Variants in CDK13 observed in about 807,000 individuals in gnomAD.
CDK13 encodes cyclin-dependent kinase 13.
In CDK13, 40 loss-of-function variants were observed where a neutral mutation model predicts 137.6. That is an observed-to-expected ratio of 0.29 (90% CI 0.23 to 0.38). The LOEUF (loss-of-function observed/expected upper bound fraction) is 0.38, where lower values mean the gene tolerates loss of function less well. Among genes scored for constraint, CDK13 ranks in the 10% least tolerant of loss-of-function variants. The pLI, the probability that CDK13 is intolerant of heterozygous loss-of-function variation, is 1.00. For synonymous variants in CDK13, 869 were observed against 760.1 expected (o/e 1.14, Z -2.36); for missense variants, 1,704 against 1,951.8 (o/e 0.87, Z 2.39).
In CDK13 at chr7:39,976,323, T is replaced by TCTCACACACACACACA; in HGVS notation, c.1212-11275_1212-11274insTCACACACACACACAC. Among the ~76,000 whole-genome samples the TCTCACACACACACACA allele has an allele frequency of 1.2e-3, 47 of 39,572 alleles. 2 individuals are homozygous for TCTCACACACACACACA. The highest frequency in any genetic ancestry group is 2.0e-3 in the Non-Finnish European group (34 of 17,110). 26.0% of individuals were successfully genotyped at this position (39,572 alleles called of 152,430 possible). The stretch of plus-strand genomic sequence containing the variant: ...CTCTCTCTCTCTCTCTCTCTCTCTC[T>TCTCACACACACACACA]CACACACACACACACACACACACAC... On this transcript the variant is annotated intron_variant, in intron 1 of 13. Coordinates refer to ENST00000181839, the MANE Select transcript of CDK13 (RefSeq NM_003718.5).
intron 2 of CDK13, among the ~76,000 whole-genome samples, chr7:39,992,329 C>T (rs1784481192): frequency 6.6e-6 from 1 of 152,002 alleles, no homozygotes. Flanking sequence ...TCCGGAGTAG[C>T]TGGGGTTACA....
chr7:40,068,105 A>G (rs1211503619), intron 9 of CDK13: 5 of 146,498 alleles, frequency 3.4e-5, no homozygotes, highest in Non-Finnish European at 7.5e-5. Flanking sequence ...AAAAAAAAAG[A>G]AAAATTGTAT....
chr7:39,986,347 G>A (rs1253797138), intron 1 of CDK13: 1 of 152,142 alleles, frequency 6.6e-6, no homozygotes, highest in African/African-American at 2.4e-5. Context: ...TGGGAACTTT[G>A]CTTGCCACTA....
At chr7:40,080,784 G>A (rs1786647952) in intron 11 of CDK13, among the ~76,000 whole-genome samples, 1 of 152,074 alleles carries the variant, frequency 6.6e-6, no homozygotes, top group African/African-American at 2.4e-5. Flanking sequence ...AATAATAGTT[G>A]GACACATTTG....
chr7:39,983,858 A>G (rs559810322), intron 1 of CDK13, among the ~76,000 whole-genome samples: 14 of 151,856 alleles, frequency 9.2e-5, no homozygotes, highest in Non-Finnish European at 2.1e-4. Context: ...CAACCAGCTT[A>G]CAATCACTTC....
At chr7:40,019,698 C>T (rs1475198268) in intron 5 of CDK13, among the ~76,000 whole-genome samples, 1 of 152,098 alleles carries the variant, frequency 6.6e-6, no homozygotes, top group Non-Finnish European at 1.5e-5. Flanking sequence ...TATAGCCTAG[C>T]CAAGTTGGCA....
At chr7:40,036,299 A>G (rs1785481928) in intron 5 of CDK13, among the ~76,000 whole-genome samples, 1 of 152,220 alleles carries the variant, frequency 6.6e-6, no homozygotes, top group South Asian at 2.1e-4. Flanking sequence ...CTAAAATTTT[A>G]TTTACATTTT....
At chr7:39,985,362 C>T (rs1253709863) in intron 1 of CDK13, 6 of 160,558 alleles carry the variant, frequency 3.7e-5, no homozygotes, top group Admixed American at 1.3e-4. Flanking sequence ...TTTTCTTTAT[C>T]CATTCATCTG....
At chr7:39,996,030 A>G (rs1222018975) in intron 2 of CDK13, among the ~76,000 whole-genome samples, 2 of 152,052 alleles carry the variant, frequency 1.3e-5, no homozygotes, top group African/African-American at 4.8e-5. Flanking sequence ...CAAAACTACA[A>G]ACCAATTTGT....
intron 1 of CDK13, among the ~76,000 whole-genome samples, chr7:39,959,357 T>C (rs955019864): frequency 6.6e-6 from 1 of 151,920 alleles, no homozygotes; most frequent in Non-Finnish European, 1.5e-5. Flanking sequence ...GACGAGGTTT[T>C]TCCATGTTGG....
intron 11 of CDK13, among the ~76,000 whole-genome samples, chr7:40,080,284 A>G (rs1786638112): frequency 6.6e-6 from 1 of 152,106 alleles, no homozygotes; most frequent in Non-Finnish European, 1.5e-5. Flanking sequence ...CACCACGCCC[A>G]GCCTTTTCTT....
At chr7:40,016,408 AGTCTACCT>A (rs1473365730) in intron 5 of CDK13, among the ~76,000 whole-genome samples, 2 of 152,198 alleles carry the variant, frequency 1.3e-5, no homozygotes, top group African/African-American at 2.4e-5. Context: ...TTACCATTAG[AGTCTACCT>A]ATATGTACTA....
In CDK13 at chr7:39,950,673, G is replaced by A; in HGVS notation, c.32G>A (p.Gly11Glu). The A allele has an allele frequency of 1.4e-6, 2 of 1,387,754 alleles. No individual in the cohort carries two copies. The highest frequency in any genetic ancestry group is 2.6e-4 in the Middle Eastern group (1 of 3,830). The allele number at this position is 1,387,754 out of a possible 1,614,324, so 86.0% of individuals were successfully genotyped here. The change falls in exon 1 of 14, where the codon GGA becomes GAA. Residue 11 changes from glycine to glutamate, a missense_variant. By Grantham distance (98) the Gly-to-Glu change is moderately conservative. This residue lies in a region of CDK13 where 1,051 missense variants were observed against 931.0 expected (regional missense o/e 1.13). Transcript: ENST00000181839. MPSSSDTALGGGGGLSWAEKK... is the reference protein window; with the variant it reads MPSSSDTALGEGGGLSWAEKK... ...AGCAGCTCGGACACGGCGCTGGGGG[G>A]AGGCGGGGGCCTGAGCTGGGCGGAG... is the stretch of plus-strand genomic sequence containing the variant.
intron 5 of CDK13, among the ~76,000 whole-genome samples, chr7:40,040,703 G>A (rs1562743934): frequency 6.6e-6 from 1 of 152,104 alleles, no homozygotes; most frequent in Non-Finnish European, 1.5e-5. Flanking sequence ...TCTTATGTGA[G>A]CTTTTTAAAT....
Position 39,950,485 on chromosome 7 carries a change from C to G in CDK13, c.-157C>G. ...CCCACTGTGACCTGGAACCCAGGGA[C>G]CCGAGTCCCGACCCGGATTATCGTG... On this transcript the variant is annotated 5_prime_UTR_variant, in exon 1 of 14. Coordinates refer to ENST00000181839, the MANE Select transcript of CDK13 (RefSeq NM_003718.5). 1 of 1,261,102 alleles carries G rather than the reference C, an allele frequency of 7.9e-7. No homozygotes were observed. Among genetic ancestry groups the G allele is most frequent in the Non-Finnish European group, 1.0e-6 (1 of 1,004,212 alleles). The allele number at this position is 1,261,102 out of a possible 1,614,324, so 78.1% of individuals were successfully genotyped here.
chr7:40,007,591 A>C (rs1053990715), intron 5 of CDK13, among the ~76,000 whole-genome samples: 1 of 151,850 alleles, frequency 6.6e-6, no homozygotes, highest in African/African-American at 2.4e-5. Flanking sequence ...ACACCCAGCT[A>C]ATTTTTTTCT....
chr7:39,999,607 TTTA>T, intron 4 of CDK13, 107 bp downstream of exon 4: 1 of 1,085,854 alleles, frequency 9.2e-7, no homozygotes, highest in Non-Finnish European at 1.3e-6. Flanking sequence ...TAAATTCAAT[TTTA>T]TTGTGCTTTT....
intron 5 of CDK13, among the ~76,000 whole-genome samples, chr7:40,005,866 C>T (rs1282482585): frequency 6.6e-6 from 1 of 152,098 alleles, no homozygotes; most frequent in Non-Finnish European, 1.5e-5. Context: ...GGACCACACA[C>T]GCATGACAGC....
intron 7 of CDK13, chr7:40,048,800 G>A (rs899873484): frequency 5.9e-5 from 9 of 151,306 alleles, no homozygotes; most frequent in African/African-American, 1.7e-4. Context: ...ATCTTGCAGC[G>A]CCTGTGACAT....
Sources: allele counts gnomAD v4.1 joint callset (sites outside exome capture counted in the v4.1 genomes callset), GRCh38; gene constraint gnomAD v4.1.1; regional missense constraint gnomAD v4.1.1; transcripts MANE v1.5; gene names NCBI Gene and HGNC (gene_info 2026-07-23, HGNC 2026-07-21).